Variants in NYAP2 observed in about 807,000 individuals in gnomAD.
NYAP2 encodes the protein neuronal tyrosine-phosphorylated phosphoinositide-3-kinase adapter 2.
A neutral mutation model predicts 50.4 loss-of-function variants in NYAP2; 23 were observed. The ratio of observed to expected loss-of-function variants is 0.46; its 90% CI spans 0.33 to 0.65. The LOEUF is 0.65. Among genes scored for constraint, NYAP2 ranks in the 30% least tolerant of loss-of-function variants. The probability of loss-of-function intolerance (pLI) is 0.02; values close to 1 mark genes in which losing one functional copy is unlikely to be tolerated. For synonymous variants in NYAP2, 394 were observed against 365.2 expected (o/e 1.08, Z -0.90); for missense variants, 885 against 861.0 (o/e 1.03, Z -0.35).
At chr2:225,479,016 G>T (rs1285375574) in intron 3 of NYAP2, among the ~76,000 whole-genome samples, 1 of 152,168 alleles carries the variant, frequency 6.6e-6, no homozygotes, top group Non-Finnish European at 1.5e-5. Context: ...CAGCATTATG[G>T]TGTTAATATG....
chr2:225,415,560 G>A (rs758579832), intron 3 of NYAP2, among the ~76,000 whole-genome samples: 2 of 152,122 alleles, frequency 1.3e-5, no homozygotes, highest in Non-Finnish European at 2.9e-5. Flanking sequence ...AGTAGACTTT[G>A]TGGAAATAGC....
chr2:225,543,396 A>G (rs1691510427), intron 4 of NYAP2, among the ~76,000 whole-genome samples: 2 of 151,932 alleles, frequency 1.3e-5, no homozygotes, highest in South Asian at 4.1e-4. Context: ...GCTTATAGCT[A>G]AAAACTTCTG....
chr2:225,680,672 T>A, the NYAP2 span, among the ~76,000 whole-genome samples: 2 of 152,160 alleles, frequency 1.3e-5, no homozygotes, highest in South Asian at 4.1e-4. Flanking sequence ...AGTCCATAAC[T>A]TCCCCAGTGT....
chr2:225,522,465 A>T (rs1691082162), intron 4 of NYAP2, among the ~76,000 whole-genome samples: 2 of 152,270 alleles, frequency 1.3e-5, no homozygotes, highest in African/African-American at 2.4e-5. Context: ...TTGTTGTTAC[A>T]ATCTTGGAAT....
intron 3 of NYAP2, among the ~76,000 whole-genome samples, chr2:225,451,608 T>C (rs1450974153): frequency 6.6e-6 from 1 of 152,218 alleles, no homozygotes; most frequent in African/African-American, 2.4e-5. Flanking sequence ...ACTTTAGAGC[T>C]GTGGGAACTG....
At chr2:225,454,042 G>T (rs1404835616) in intron 3 of NYAP2, among the ~76,000 whole-genome samples, 4 of 152,056 alleles carry the variant, frequency 2.6e-5, no homozygotes, top group Non-Finnish European at 5.9e-5. Context: ...TTGAGGCCAG[G>T]AGTGGTGGCT....
chr2:225,636,762 T>C (rs1574722840), intron 6 of NYAP2, among the ~76,000 whole-genome samples: 1 of 152,320 alleles, frequency 6.6e-6, no homozygotes, highest in South Asian at 2.1e-4. Context: ...ATGGCTCTTT[T>C]CCAACCCTGC....
the NYAP2 span, among the ~76,000 whole-genome samples, chr2:225,681,216 C>A: frequency 6.6e-6 from 1 of 152,174 alleles, no homozygotes; most frequent in East Asian, 1.9e-4. Flanking sequence ...CTCTGTTCTA[C>A]TGAATCTGCT....
chr2:225,535,234 C>T (rs1250071747), intron 4 of NYAP2, among the ~76,000 whole-genome samples: 1 of 152,148 alleles, frequency 6.6e-6, no homozygotes, highest in African/African-American at 2.4e-5. Context: ...AATGTTTCTC[C>T]AGTATCTTCT....
In NYAP2 at chr2:225,496,367, T is replaced by G. The variant is rs2106174487; in HGVS notation, c.222-17004T>G. Among the ~76,000 whole-genome samples, 2 of 152,264 alleles carry G rather than the reference T, an allele frequency of 1.3e-5. 1 individual carries two copies. The highest frequency in any genetic ancestry group is 4.1e-4 in the South Asian group (2 of 4,824). The stretch of plus-strand genomic sequence containing the variant: ...AGAAAGTGTGTGGCCAGGGAATATG[T>G]GTATATTTAACACTGTGTCTCATGC... On this transcript the variant is annotated intron_variant, in intron 3 of 6. Transcript: ENST00000636099.
rs574781707 is a variant in NYAP2 at position 225,585,555 on chromosome 2, A to G, written c.1618+2520A>G. Reference sequence around the variant, plus strand: ...TCAAGGCTCTTTATAGCTTTTAGGGAGCCAAGGATTGAATTATTTCACATG... The same window carrying G: ...TCAAGGCTCTTTATAGCTTTTAGGGGGCCAAGGATTGAATTATTTCACATG... On this transcript the variant is annotated intron_variant, in intron 5 of 6. Coordinates refer to ENST00000636099, the Ensembl canonical transcript of NYAP2. Among the ~76,000 whole-genome samples the G allele has an allele frequency of 1.7e-3, 258 of 152,326 alleles. 2 individuals carry two copies. Among genetic ancestry groups the G allele is most frequent in the African/African-American group, 6.0e-3 (248 of 41,566 alleles).
downstream of NYAP2, among the ~76,000 whole-genome samples, chr2:225,655,068 G>A (rs901107201): frequency 6.6e-6 from 1 of 152,224 alleles, no homozygotes; most frequent in East Asian, 1.9e-4. Flanking sequence ...CCCACCACCA[G>A]AGGTGGTATA....
intron 4 of NYAP2, among the ~76,000 whole-genome samples, chr2:225,516,664 G>A (rs1690940590): frequency 6.6e-6 from 1 of 152,206 alleles, no homozygotes; most frequent in Non-Finnish European, 1.5e-5. Context: ...TCAGGGATAG[G>A]AGAAAACTCT....
intron 3 of NYAP2, among the ~76,000 whole-genome samples, chr2:225,496,509 G>C (rs1357820624): frequency 6.6e-6 from 1 of 151,978 alleles, no homozygotes; most frequent in Non-Finnish European, 1.5e-5. Flanking sequence ...TATTTTCCAA[G>C]GTTTGCAAAC....
At chr2:225,628,061 G>GA (rs917794493) in intron 6 of NYAP2, among the ~76,000 whole-genome samples, 2 of 13,274 alleles carry the variant, frequency 1.5e-4, no homozygotes, top group South Asian at 1.1e-3. Flanking sequence ...TGCAATTGCT[G>GA]AGGATATTCC....
intron 4 of NYAP2, among the ~76,000 whole-genome samples, chr2:225,573,047 T>G (rs1446810386): frequency 6.6e-6 from 1 of 152,190 alleles, no homozygotes; most frequent in Non-Finnish European, 1.5e-5. Context: ...GCTTACTTTC[T>G]TAATTTCTAT....
chr2:225,480,361 G>A lies in NYAP2; in HGVS notation c.222-33010G>A, dbSNP rs145615585. ...ATGAAAGTCTGATACAAACCAAAATGTACTGTTAAAAATTGGAAGCATAAT... is the reference window on the plus strand; with the variant it reads ...ATGAAAGTCTGATACAAACCAAAATATACTGTTAAAAATTGGAAGCATAAT... On this transcript the variant is annotated intron_variant, in intron 3 of 6. Coordinates refer to ENST00000636099, the Ensembl canonical transcript of NYAP2. Among the ~76,000 whole-genome samples the A allele has an allele frequency of 1.3e-3, 205 of 152,144 alleles. 2 individuals are homozygous for A. In the East Asian group the frequency reaches 0.035, roughly 26 times the overall value.
chr2:225,507,296 T>G (rs1363636320), intron 3 of NYAP2, among the ~76,000 whole-genome samples: 1 of 152,178 alleles, frequency 6.6e-6, no homozygotes, highest in Non-Finnish European at 1.5e-5. Flanking sequence ...CCCTGTCACT[T>G]TTGAAGATGA....
chr2:225,661,943 C>T, the NYAP2 span, among the ~76,000 whole-genome samples: 159 of 152,220 alleles, frequency 1.0e-3, 3 homozygotes, highest in Admixed American at 8.9e-3. Context: ...AGGCTGGTCT[C>T]GAACTCCTGA....
Sources: gnomAD v4.1 joint callset for allele counts (sites outside exome capture counted in the v4.1 genomes callset) on GRCh38, gnomAD v4.1.1 for gene constraint, MANE v1.5 for transcripts, NCBI Gene and HGNC (gene_info 2026-07-23, HGNC 2026-07-21) for gene names.